The following TRAPPC9 variants were observed in gnomAD, a reference collection of about 807,000 sequenced individuals.
The protein encoded by TRAPPC9 is trafficking protein particle complex subunit 9.
Under a neutral mutation model 124.0 loss-of-function variants are expected in TRAPPC9, and 83 were observed. The ratio of observed to expected loss-of-function variants is 0.67; its 90% CI spans 0.56 to 0.80. The LOEUF (loss-of-function observed/expected upper bound fraction) is 0.80. Among genes scored for constraint, TRAPPC9 ranks in the 30% least tolerant of loss-of-function variants. TRAPPC9 has a pLI of 0.00. For synonymous variants in TRAPPC9, 638 were observed against 617.5 expected, an observed-to-expected ratio of 1.03 and a Z score of -0.49; for missense variants, 1,302 against 1,508.3, an observed-to-expected ratio of 0.86 and a Z score of 2.27.
chr8:140,272,385 T>G (rs967727142), intron 15 of TRAPPC9, among the ~76,000 whole-genome samples: 3 of 112,830 alleles, frequency 2.7e-5, no homozygotes, highest in Non-Finnish European at 5.3e-5. Flanking sequence ...GTGGTGATGA[T>G]GGTGATGGTG....
At chr8:139,912,496 C>G (rs1230616755) in intron 19 of TRAPPC9, among the ~76,000 whole-genome samples, 2 of 152,204 alleles carry the variant, frequency 1.3e-5, no homozygotes, top group Non-Finnish European at 2.9e-5. Flanking sequence ...GCACTTACGA[C>G]TGACTCTCAG....
At chr8:140,342,239 G>A (rs2067216270) in intron 9 of TRAPPC9, among the ~76,000 whole-genome samples, 1 of 152,142 alleles carries the variant, frequency 6.6e-6, no homozygotes, top group Non-Finnish European at 1.5e-5. Context: ...TCGTGACATT[G>A]CAGAAGGTCC....
chr8:139,802,761 T>C (rs1272062587), intron 21 of TRAPPC9, among the ~76,000 whole-genome samples: 1 of 152,200 alleles, frequency 6.6e-6, no homozygotes, highest in Non-Finnish European at 1.5e-5. Flanking sequence ...TGTCAGTGCC[T>C]CTAGGCTCTG....
intron 10 of TRAPPC9, among the ~76,000 whole-genome samples, chr8:140,309,036 G>A (rs1271595870): frequency 6.6e-6 from 1 of 152,186 alleles, no homozygotes; most frequent in Non-Finnish European, 1.5e-5. Flanking sequence ...GCCCAGGAAA[G>A]GGACGCGCAC....
intron 5 of TRAPPC9, among the ~76,000 whole-genome samples, chr8:140,419,065 G>A (rs112889766): frequency 6.6e-6 from 1 of 151,900 alleles, no homozygotes; most frequent in Non-Finnish European, 1.5e-5. Flanking sequence ...AGGCGGAGGC[G>A]GGTGGATCAC....
intron 21 of TRAPPC9, among the ~76,000 whole-genome samples, chr8:139,876,485 C>T (rs1249624428): frequency 6.6e-6 from 1 of 152,210 alleles, no homozygotes; most frequent in Non-Finnish European, 1.5e-5. Context: ...GCTTCCGGGA[C>T]ATCTGCACAA....
intron 17 of TRAPPC9, among the ~76,000 whole-genome samples, chr8:140,045,924 A>G (rs572620763): frequency 6.6e-6 from 1 of 152,296 alleles, no homozygotes; most frequent in South Asian, 2.1e-4. Flanking sequence ...AAGTTAGTTA[A>G]TATTCTAGCA....
chr8:139,959,921 G>T (rs1037353342), intron 19 of TRAPPC9, among the ~76,000 whole-genome samples: 19 of 152,200 alleles, frequency 1.2e-4, no homozygotes, highest in African/African-American at 4.3e-4. Context: ...CTTAAGTTAG[G>T]TCACAACCCA....
Position 140,157,796 on chromosome 8 carries a change from C to T in TRAPPC9, c.2556+63663G>A, listed in dbSNP as rs187768308. Among the ~76,000 whole-genome samples, 26 of 152,180 alleles carry T rather than the reference C, an allele frequency of 1.7e-4. No homozygotes were observed. The East Asian group carries it at 4.8e-3, about 28-fold the overall frequency. ...AAAAAGAAGAAAAATTGCCTATAAT[C>T]CCAAAACACAGAAATAACCCTTGTT... On this transcript the variant is annotated intron_variant, in intron 17 of 22. Transcript: ENST00000438773.
At chr8:139,732,629 G>C (rs900044751) in intron 21 of TRAPPC9, among the ~76,000 whole-genome samples, 2 of 152,224 alleles carry the variant, frequency 1.3e-5, no homozygotes, top group South Asian at 4.1e-4. Context: ...AGGCAGGCCC[G>C]AGGTCCCTCT....
At position 139,746,794 on chromosome 8, in the gene TRAPPC9, C is replaced by T. The variant is rs920781758; in HGVS notation, c.3056-14592G>A. 5.3e-5 allele frequency among the ~76,000 whole-genome samples: 8 copies of T among 152,226 alleles called. No individual in the cohort carries two copies. In the East Asian group the frequency reaches 5.8e-4, roughly 11 times the overall value. ...AGGAGGAAGCACCAGGGCCCCCATG[C>T]GCTGCTGTGCCCACGGCCACATTGG... On this transcript the variant is annotated intron_variant, in intron 21 of 22. Coordinates refer to ENST00000438773, the MANE Select transcript of TRAPPC9 (RefSeq NM_001160372.4).
At chr8:140,341,862 GTCTC>G (rs2067205173) in intron 9 of TRAPPC9, among the ~76,000 whole-genome samples, 1 of 152,058 alleles carries the variant, frequency 6.6e-6, no homozygotes, top group Non-Finnish European at 1.5e-5. Context: ...CAGCAGCTAA[GTCTC>G]TCTCCCAAGC....
At chr8:139,913,761 C>T (rs1831916190) in intron 19 of TRAPPC9, among the ~76,000 whole-genome samples, 1 of 152,212 alleles carries the variant, frequency 6.6e-6, no homozygotes, top group African/African-American at 2.4e-5. Flanking sequence ...TAAGGTCACC[C>T]AGCTTCAAGT....
chr8:140,119,141 G>A (rs530815825), intron 17 of TRAPPC9, among the ~76,000 whole-genome samples: 258 of 152,310 alleles, frequency 1.7e-3, no homozygotes, highest in African/African-American at 4.7e-3. Flanking sequence ...GCAGAAAGCC[G>A]GAGTGCACAG....
At chr8:140,381,876 CT>C (rs1373759969) in intron 7 of TRAPPC9, among the ~76,000 whole-genome samples, 1 of 152,146 alleles carries the variant, frequency 6.6e-6, no homozygotes, top group Non-Finnish European at 1.5e-5. Flanking sequence ...AATGGTGCAG[CT>C]GCTTTGGAAA....
At chr8:140,332,056 AG>A (rs1382252041) in intron 9 of TRAPPC9, among the ~76,000 whole-genome samples, 3 of 152,240 alleles carry the variant, frequency 2.0e-5, no homozygotes, top group Non-Finnish European at 4.4e-5. Context: ...ACAGTAGCCA[AG>A]ATATGGAATC....
intron 9 of TRAPPC9, among the ~76,000 whole-genome samples, chr8:140,341,667 A>G (rs1189147674): frequency 2.0e-5 from 3 of 151,782 alleles, no homozygotes; most frequent in Non-Finnish European, 4.4e-5. Context: ...AAGCATTGTT[A>G]TATACGCATG....
intron 19 of TRAPPC9, among the ~76,000 whole-genome samples, chr8:139,952,635 C>T (rs2131514338): frequency 6.6e-6 from 1 of 152,264 alleles, no homozygotes; most frequent in Admixed American, 6.5e-5. Context: ...CCTAGGATGC[C>T]TATGTTTGAG....
At chr8:140,166,715 C>T (rs1311692979) in intron 17 of TRAPPC9, among the ~76,000 whole-genome samples, 3 of 152,234 alleles carry the variant, frequency 2.0e-5, no homozygotes, top group Non-Finnish European at 2.9e-5. Context: ...GGCAGCTCTG[C>T]GGAATGGGAG....
Sources: allele counts gnomAD v4.1 joint callset (sites outside exome capture counted in the v4.1 genomes callset), GRCh38; gene constraint gnomAD v4.1.1; transcripts MANE v1.5; gene names NCBI Gene and HGNC (gene_info 2026-07-23, HGNC 2026-07-21).